The following ANKIB1 variants were observed in gnomAD, a reference collection of about 807,000 sequenced individuals.
ANKIB1 encodes ankyrin repeat and IBR domain containing 1.
In ANKIB1, 43 loss-of-function variants were observed where a neutral mutation model predicts 122.1. That is an observed-to-expected ratio of 0.35 (90% CI 0.28 to 0.45). ANKIB1 has a LOEUF of 0.45. Ranked by LOEUF, ANKIB1 falls within the 20% of genes least tolerant of loss-of-function variation. ANKIB1 has a pLI of 1.00. For synonymous variants in ANKIB1, 390 were observed against 442.0 expected (o/e 0.88, Z 1.48); for missense variants, 992 against 1,329.5 (o/e 0.75, Z 3.95).
At chr7:92,281,149 CA>C (rs1802005297) in intron 1 of ANKIB1, among the ~76,000 whole-genome samples, 1 of 152,208 alleles carries the variant, frequency 6.6e-6, no homozygotes, top group Non-Finnish European at 1.5e-5. Flanking sequence ...ATGTAATTTA[CA>C]TAATTTATCC....
intron 11 of ANKIB1, 111 bp downstream of exon 11, chr7:92,371,718 C>T (rs922642381): frequency 1.6e-6 from 2 of 1,255,774 alleles, no homozygotes; most frequent in South Asian, 3.0e-5. Context: ...TGGCTCTTGC[C>T]TATAATCCCA....
Position 92,307,339 on chromosome 7 carries a change from T to A in ANKIB1, c.189-20T>A, listed in dbSNP as rs867885943. 6.3e-7 allele frequency: 1 copy of A among 1,590,180 alleles called. No individual in the cohort carries two copies. The highest frequency in any genetic ancestry group is 1.1e-5 in the South Asian group (1 of 87,826). ...ATAAGTGATTTTCATCCTTTATTTT[T>A]CCCTTTCTTTCCATTTTAGGACTTT... On this transcript the variant is annotated intron_variant, in intron 2 of 19. Transcript: ENST00000265742.
chr7:92,247,845 T>C (rs1231023199), intron 1 of ANKIB1, among the ~76,000 whole-genome samples: 1 of 152,192 alleles, frequency 6.6e-6, no homozygotes, highest in Non-Finnish European at 1.5e-5. Context: ...CTGAAAAACA[T>C]TGTCATTTCA....
chr7:92,279,260 A>G (rs1431341389), intron 1 of ANKIB1, among the ~76,000 whole-genome samples: 1 of 152,194 alleles, frequency 6.6e-6, no homozygotes, highest in African/African-American at 2.4e-5. Flanking sequence ...GTACCAGGCT[A>G]CAACCTGGGG....
At chr7:92,280,525 G>A (rs1263903095) in intron 1 of ANKIB1, among the ~76,000 whole-genome samples, 1 of 146,482 alleles carries the variant, frequency 6.8e-6, no homozygotes, top group Non-Finnish European at 1.5e-5. Context: ...CTTTATCCCT[G>A]GCACTTGGAG....
At position 92,324,828 on chromosome 7, in the gene ANKIB1, C is replaced by T. The variant is rs374743178; in HGVS notation, c.670-2955C>T. On this transcript the variant is annotated intron_variant, in intron 4 of 19. Transcript: ENST00000265742. Reference sequence around the variant, plus strand: ...TAAACTATAAATGGGTAAAATCCACCTCTTATTTCCATCATTCAACAAAAC... The same window carrying T: ...TAAACTATAAATGGGTAAAATCCACTTCTTATTTCCATCATTCAACAAAAC... Among the ~76,000 whole-genome samples, 48 of 152,258 alleles carry T rather than the reference C, an allele frequency of 3.2e-4. 1 individual carries two copies. Among genetic ancestry groups the T allele is most frequent in the African/African-American group, 9.9e-4 (41 of 41,546 alleles).
chr7:92,343,942 A>G (rs1396165647), intron 6 of ANKIB1, among the ~76,000 whole-genome samples: 1 of 152,008 alleles, frequency 6.6e-6, no homozygotes, highest in East Asian at 1.9e-4. Flanking sequence ...CTACTATAGG[A>G]GATTTTAATA....
In ANKIB1 at chr7:92,307,415, C is replaced by G. The variant is rs1340941851; in HGVS notation, c.245C>G (p.Ser82Cys). The change falls in exon 3 of 20, where the codon TCT becomes TGT. Residue 82 changes from serine to cysteine, a missense_variant. Coordinates refer to ENST00000265742, the MANE Select transcript of ANKIB1 (RefSeq NM_019004.2). The part of the protein sequence containing the change: ...PNKRNVHNET[S>C]MHLLCMGPQI... ...AAACGGAATGTGCACAATGAAACAT[C>G]TATGCATTTGTTGTGTATGGGACCT... 6 of 1,613,794 alleles carry G rather than the reference C, an allele frequency of 3.7e-6. No individual in the cohort carries two copies. The highest frequency in any genetic ancestry group is 5.1e-6 in the Non-Finnish European group (6 of 1,179,854).
At chr7:92,256,533 T>C (rs1435153995) in intron 1 of ANKIB1, among the ~76,000 whole-genome samples, 1 of 152,200 alleles carries the variant, frequency 6.6e-6, no homozygotes, top group African/African-American at 2.4e-5. Flanking sequence ...AAGGAGTTTG[T>C]ATTTTAAAAT....
chr7:92,286,481 T>C (rs1203379828), intron 1 of ANKIB1, among the ~76,000 whole-genome samples: 1 of 71,808 alleles, frequency 1.4e-5, no homozygotes, highest in Non-Finnish European at 3.4e-5. Flanking sequence ...TTATCCGTAT[T>C]TTTTTTTTTT....
Position 92,379,934 on chromosome 7 carries a change from G to A in ANKIB1, c.1618-6575G>A, listed in dbSNP as rs546707726. Among the ~76,000 whole-genome samples the A allele has an allele frequency of 1.1e-3, 168 of 152,276 alleles. 2 individuals are homozygous for A. Among genetic ancestry groups the A allele is most frequent in the African/African-American group, 3.8e-3 (160 of 41,562 alleles). ...GCACACGAAGGGCAAGCCGAAGCAGGGCAGGGCATCACCTCACCTTGGAAG... is the reference window on the plus strand; with the variant it reads ...GCACACGAAGGGCAAGCCGAAGCAGAGCAGGGCATCACCTCACCTTGGAAG... On this transcript the variant is annotated intron_variant, in intron 11 of 19. Coordinates refer to ENST00000265742, the MANE Select transcript of ANKIB1 (RefSeq NM_019004.2).
At chr7:92,394,876 A>T (rs182214271) in intron 17 of ANKIB1, among the ~76,000 whole-genome samples, 75 of 152,372 alleles carry the variant, frequency 4.9e-4, no homozygotes, top group African/African-American at 1.8e-3. Context: ...CCAACTGCTT[A>T]TATAAATAAA....
intron 1 of ANKIB1, among the ~76,000 whole-genome samples, chr7:92,274,497 A>G (rs563182595): frequency 3.3e-5 from 5 of 152,220 alleles, no homozygotes; most frequent in Non-Finnish European, 5.9e-5. Context: ...TTTTAGATGC[A>G]TAAGGATGTT....
intron 10 of ANKIB1, among the ~76,000 whole-genome samples, chr7:92,366,810 A>T (rs1223549431): frequency 6.6e-6 from 1 of 152,238 alleles, no homozygotes; most frequent in African/African-American, 2.4e-5. Flanking sequence ...GTCCTGCCAC[A>T]CAGCATATCC....
intron 4 of ANKIB1, among the ~76,000 whole-genome samples, chr7:92,320,997 GCA>G (rs1415055374): frequency 1.3e-5 from 2 of 152,054 alleles, no homozygotes; most frequent in Non-Finnish European, 2.9e-5. Context: ...CAAGGCATTT[GCA>G]GTTGTTCTTT....
At chr7:92,386,759 AT>A in intron 12 of ANKIB1, 116 bp downstream of exon 12, 1 of 994,368 alleles carries the variant, frequency 1.0e-6, no homozygotes. Context: ...AATATACTTT[AT>A]TATAGCCTTT....
chr7:92,343,262 T>A, intron 6 of ANKIB1, 30 bp downstream of exon 6: 2 of 1,565,546 alleles, frequency 1.3e-6, no homozygotes, highest in Non-Finnish European at 1.8e-6. Context: ...GTACTTCTCA[T>A]AGCTTTGTTT....
chr7:92,321,950 A>T (rs1210588221), intron 4 of ANKIB1, among the ~76,000 whole-genome samples: 1 of 152,174 alleles, frequency 6.6e-6, no homozygotes, highest in African/African-American at 2.4e-5. Context: ...CTTGAATGAC[A>T]GTTGTGCTCT....
intron 1 of ANKIB1, among the ~76,000 whole-genome samples, chr7:92,249,820 C>T (rs1362423493): frequency 1.3e-5 from 2 of 152,046 alleles, no homozygotes; most frequent in Non-Finnish European, 2.9e-5. Context: ...TCATTTAATC[C>T]TTAGAACAGT....
Sources: allele counts gnomAD v4.1 joint callset (sites outside exome capture counted in the v4.1 genomes callset), GRCh38; gene constraint gnomAD v4.1.1; transcripts MANE v1.5; gene names NCBI Gene and HGNC (gene_info 2026-07-23, HGNC 2026-07-21).